Variants in THSD7A observed in about 807,000 individuals in gnomAD.
THSD7A encodes the protein thrombospondin type 1 domain containing 7A.
A neutral mutation model predicts 231.3 loss-of-function variants in THSD7A; 96 were observed. That is an observed-to-expected ratio of 0.41 (90% CI 0.35 to 0.49). The LOEUF (loss-of-function observed/expected upper bound fraction) is 0.49, where lower values mean the gene tolerates loss of function less well. Ranked by LOEUF, THSD7A falls within the 20% of genes least tolerant of loss-of-function variation. The pLI, the probability that THSD7A is intolerant of heterozygous loss-of-function variation, is 0.05. For synonymous variants in THSD7A, 940 were observed against 743.3 expected (o/e 1.26, Z -4.30); for missense variants, 2,290 against 2,070.2 (o/e 1.11, Z -2.06).
intron 6 of THSD7A, among the ~76,000 whole-genome samples, chr7:11,490,748 A>G (rs1786856534): frequency 6.6e-6 from 1 of 151,968 alleles, no homozygotes; most frequent in African/African-American, 2.4e-5. Context: ...CATGTGCTCC[A>G]CATTTAGTTT....
At chr7:11,656,219 A>G (rs948983648) in intron 1 of THSD7A, among the ~76,000 whole-genome samples, 1 of 151,926 alleles carries the variant, frequency 6.6e-6, no homozygotes, top group African/African-American at 2.4e-5. Context: ...AGGAATTAAG[A>G]GTGAATGCAT....
chr7:11,826,392 G>T (rs987593754), intron 1 of THSD7A, among the ~76,000 whole-genome samples: 9 of 152,142 alleles, frequency 5.9e-5, no homozygotes, highest in Admixed American at 5.2e-4. Flanking sequence ...GTTGATAAAA[G>T]TTTATGTATT....
intron 1 of THSD7A, among the ~76,000 whole-genome samples, chr7:11,695,415 C>G (rs893046715): frequency 6.6e-6 from 1 of 151,320 alleles, no homozygotes; most frequent in Non-Finnish European, 1.5e-5. Context: ...AAGATATAAT[C>G]TGGATCCTCA....
chr7:11,787,466 A>G (rs1783826006), intron 1 of THSD7A, among the ~76,000 whole-genome samples: 1 of 152,126 alleles, frequency 6.6e-6, no homozygotes, highest in Non-Finnish European at 1.5e-5. Context: ...AAAGAATGAG[A>G]AGACAAGCCA....
chr7:11,581,868 T>A lies in THSD7A; in HGVS notation c.1453+8592A>T, dbSNP rs193007927. On this transcript the variant is annotated intron_variant, in intron 4 of 27. Coordinates refer to ENST00000423059, the MANE Select transcript of THSD7A (RefSeq NM_015204.3). ...CCATGCTTTGTATATAAAGTTGGCA[T>A]TATTGACTAGAAAATATTAATACAC... 3.4e-3 allele frequency among the ~76,000 whole-genome samples: 520 copies of A among 152,226 alleles called. 2 individuals are homozygous for A. Among genetic ancestry groups the A allele is most frequent in the African/African-American group, 0.012 (502 of 41,576 alleles).
At chr7:11,469,019 T>G (rs1389971822) in intron 9 of THSD7A, among the ~76,000 whole-genome samples, 1 of 152,120 alleles carries the variant, frequency 6.6e-6, no homozygotes, top group South Asian at 2.1e-4. Flanking sequence ...CCTAAAGGAT[T>G]TGATTAAATT....
intron 2 of THSD7A, among the ~76,000 whole-genome samples, chr7:11,615,181 C>A (rs768547619): frequency 1.3e-5 from 2 of 152,146 alleles, no homozygotes; most frequent in African/African-American, 4.8e-5. Context: ...TATGCAACTG[C>A]GTGCATCTTG....
At chr7:11,623,821 G>T (rs1781393430) in intron 2 of THSD7A, among the ~76,000 whole-genome samples, 1 of 152,044 alleles carries the variant, frequency 6.6e-6, no homozygotes, top group Admixed American at 6.6e-5. Context: ...ACAGAGCCTG[G>T]GATCAGCTTT....
intron 1 of THSD7A, among the ~76,000 whole-genome samples, chr7:11,660,897 A>T (rs921040109): frequency 2.6e-5 from 4 of 151,484 alleles, no homozygotes; most frequent in Non-Finnish European, 5.9e-5. Flanking sequence ...CTATTTTAAA[A>T]CAACAGAGAC....
Position 11,814,908 on chromosome 7 carries a change from G to A in THSD7A, c.190+16849C>T, listed in dbSNP as rs558671904. Among the ~76,000 whole-genome samples the A allele has an allele frequency of 6.6e-6, 1 of 152,126 alleles. No homozygotes were observed. Among genetic ancestry groups the A allele is most frequent in the South Asian group, 2.1e-4 (1 of 4,818 alleles). On this transcript the variant is annotated intron_variant, in intron 1 of 27. Transcript: ENST00000423059. The surrounding 1 kb of genome is among the most constrained non-coding windows in gnomAD (Gnocchi z 5.1). ...TGTGATTATCTGTGCCAGCTCATGA[G>A]CAGCAGATGCCTTAATCCTGATTAC... is the stretch of plus-strand genomic sequence containing the variant.
intron 1 of THSD7A, among the ~76,000 whole-genome samples, chr7:11,761,986 A>T (rs1562536089): frequency 1.3e-5 from 2 of 152,148 alleles, no homozygotes; most frequent in East Asian, 3.9e-4. Flanking sequence ...ACCACTTATA[A>T]CTGAGAACAT....
intron 4 of THSD7A, among the ~76,000 whole-genome samples, chr7:11,544,718 C>G (rs1428907596): frequency 6.6e-6 from 1 of 152,078 alleles, no homozygotes; most frequent in Non-Finnish European, 1.5e-5. Context: ...CTCTTACTAC[C>G]ACAGTTTTTG....
chr7:11,603,303 A>C (rs1187979320), intron 2 of THSD7A, among the ~76,000 whole-genome samples: 3 of 150,768 alleles, frequency 2.0e-5, no homozygotes, highest in Non-Finnish European at 4.5e-5. Context: ...GCCATCAGAG[A>C]AATGCAAATC....
intron 4 of THSD7A, among the ~76,000 whole-genome samples, chr7:11,566,953 G>A (rs1190631935): frequency 8.2e-6 from 1 of 122,432 alleles, no homozygotes; most frequent in Non-Finnish European, 1.7e-5. Flanking sequence ...AGTGGATCCA[G>A]CTGTGGGAGA....
chr7:11,480,570 T>A (rs553026327), intron 7 of THSD7A, among the ~76,000 whole-genome samples: 3 of 148,446 alleles, frequency 2.0e-5, no homozygotes, highest in African/African-American at 7.8e-5. Context: ...ATAGATACAC[T>A]TTTTTTTTGG....
chr7:11,523,560 C>T (rs887159864), intron 6 of THSD7A, among the ~76,000 whole-genome samples: 1 of 151,940 alleles, frequency 6.6e-6, no homozygotes, highest in African/African-American at 2.4e-5. Context: ...AAACAGGAGT[C>T]TGCAGCTAGG....
intron 1 of THSD7A, among the ~76,000 whole-genome samples, chr7:11,734,395 C>T (rs962178893): frequency 3.3e-5 from 5 of 151,906 alleles, no homozygotes; most frequent in African/African-American, 7.2e-5. Context: ...AACCTCAATT[C>T]AAACTATTTA....
At chr7:11,720,105 G>C (rs925622440) in intron 1 of THSD7A, among the ~76,000 whole-genome samples, 1 of 151,544 alleles carries the variant, frequency 6.6e-6, no homozygotes, top group Non-Finnish European at 1.5e-5. Flanking sequence ...CATTGACAGG[G>C]GTACGATATA....
chr7:11,407,265 C>A (rs745731476), intron 20 of THSD7A, 41 bp downstream of exon 20: 27 of 1,529,972 alleles, frequency 1.8e-5, no homozygotes, highest in Non-Finnish European at 2.4e-5. Flanking sequence ...ATTTCATATT[C>A]CTTGACCAGT....
Sources: allele counts gnomAD v4.1 joint callset (sites outside exome capture counted in the v4.1 genomes callset), GRCh38; gene constraint gnomAD v4.1.1; non-coding constraint Gnocchi (gnomAD v3.1); transcripts MANE v1.5; gene names NCBI Gene and HGNC (gene_info 2026-07-23, HGNC 2026-07-21).